The following CCDC61 variants were observed in gnomAD, a reference collection of about 807,000 sequenced individuals.
The protein encoded by CCDC61 is coiled-coil domain containing 61.
In CCDC61, 55 loss-of-function variants were observed where a neutral mutation model predicts 63.0. The observed-to-expected ratio is 0.87, with a 90% CI of 0.70 to 1.09. The LOEUF (loss-of-function observed/expected upper bound fraction) is 1.09. Among genes scored for constraint, CCDC61 ranks in the 50% least tolerant of loss-of-function variants. The pLI, the probability that CCDC61 is intolerant of heterozygous loss-of-function variation, is 0.00. For missense variants in CCDC61, 651 were observed against 731.4 expected, an observed-to-expected ratio of 0.89 and a Z score of 1.27; for synonymous variants, 270 against 317.0, an observed-to-expected ratio of 0.85 and a Z score of 1.58.
Position 46,016,748 on chromosome 19 carries a change from C to T in CCDC61, c.1146C>T (p.Val382=), listed in dbSNP as rs1286132790. 1 of 1,601,124 alleles carries T rather than the reference C, an allele frequency of 6.2e-7. No individual in the cohort carries two copies. The highest frequency in any genetic ancestry group is 1.3e-5 in the African/African-American group (1 of 74,730). Residue 382 remains valine (V), a synonymous_variant, in exon 10 of 14, where the codon GTC becomes GTT. Coordinates refer to ENST00000595358, the MANE Select transcript of CCDC61 (RefSeq NM_001267723.2). The surrounding 1 kb of genome is among the most constrained non-coding windows in gnomAD (Gnocchi z 7.2). ...GSGGSGDGPS[V]SWSRQTQPPA... ...GGGGAAGCGGGGACGGTCCGTCCGT[C>T]TCCTGGTCTCGCCAGACCCAGCCCC... is the stretch of plus-strand genomic sequence containing the variant.
At position 46,018,337 on chromosome 19, in the gene CCDC61, C is replaced by A; in HGVS notation, c.1489C>A (p.Arg497Ser). The A allele has an allele frequency of 6.3e-7, 1 of 1,577,086 alleles. No homozygotes were observed. The highest frequency in any genetic ancestry group is 1.2e-5 in the South Asian group (1 of 85,878). The part of the protein sequence containing the change: ...QAADMAEIDA[R>S]LKALQEYMNR... The stretch of plus-strand genomic sequence containing the variant: ...GGCTGACATGGCCGAAATAGACGCA[C>A]GCCTGAAGGCCTTGCAGGAGTACAT... Residue 497 changes from arginine (R) to serine (S), a missense_variant, in exon 14 of 14, where the codon CGC (arginine) becomes AGC (serine). By Grantham distance (110) the Arg-to-Ser change is moderately radical (BLOSUM62 -1). Transcript: ENST00000595358. The surrounding 1 kb of genome is among the most constrained non-coding windows in gnomAD (Gnocchi z 4.2).
intron 4 of CCDC61, 145 bp from the exon 5 acceptor site, chr19:46,007,995 C>A: frequency 2.5e-6 from 2 of 807,536 alleles, no homozygotes; most frequent in South Asian, 4.3e-5. Flanking sequence ...AGGGAGGGGC[C>A]TTGAGGATGT....
rs902244146 is a variant in CCDC61 at position 46,008,372 on chromosome 19, C to T, written c.551+71C>T. On this transcript the variant is annotated intron_variant, in intron 5 of 13. Transcript: ENST00000595358. Reference sequence around the variant, plus strand: ...CATCATGCACCGCGGGGCCCATGCTCGGTCCTGTGGGGAGGATGACTGTCC... The same window carrying T: ...CATCATGCACCGCGGGGCCCATGCTTGGTCCTGTGGGGAGGATGACTGTCC... The T allele has an allele frequency of 5.3e-5, 62 of 1,178,854 alleles. No homozygotes were observed. The South Asian group carries it at 6.1e-4, about 12-fold the overall frequency. 73.0% of individuals were successfully genotyped at this position (1,178,854 alleles called of 1,614,324 possible).
At position 46,015,404 on chromosome 19, in the gene CCDC61, C is replaced by A. The variant is rs372845099; in HGVS notation, c.822C>A (p.Ser274Arg). 1.2e-6 allele frequency: 2 copies of A among 1,602,054 alleles called. No individual in the cohort carries two copies. The highest frequency in any genetic ancestry group is 8.5e-7 in the Non-Finnish European group (1 of 1,178,528). ...SLRARLKTLTSELALYKRGRR... is the reference protein window; with the variant it reads ...SLRARLKTLTRELALYKRGRR... ...GCGCCCGGCTGAAGACGCTGACCAGCGAGCTGGCATTGTACAAGAGGGGGT... is the reference window on the plus strand; with the variant it reads ...GCGCCCGGCTGAAGACGCTGACCAGAGAGCTGGCATTGTACAAGAGGGGGT... The change falls in exon 7 of 14, where the codon AGC (serine) becomes AGA (arginine). Residue 274 changes from serine (S) to arginine (R), a missense_variant. Coordinates refer to ENST00000595358, the MANE Select transcript of CCDC61 (RefSeq NM_001267723.2). The surrounding 1 kb of genome is among the most constrained non-coding windows in gnomAD (Gnocchi z 5.3).
chr19:45,999,183 G>A (rs377005967), intron 1 of CCDC61, among the ~76,000 whole-genome samples: 2 of 152,164 alleles, frequency 1.3e-5, no homozygotes, highest in South Asian at 2.1e-4. Context: ...CAGTGGGAGA[G>A]GGAGTTGATG....
chr19:46,002,564 C>T (rs915570024), intron 1 of CCDC61, among the ~76,000 whole-genome samples: 1 of 151,134 alleles, frequency 6.6e-6, no homozygotes, highest in African/African-American at 2.4e-5. Context: ...CACAGGCATG[C>T]ACCACCACAC....
At chr19:45,995,745 G>A (rs538783326) in intron 1 of CCDC61, among the ~76,000 whole-genome samples, 1 of 152,126 alleles carries the variant, frequency 6.6e-6, no homozygotes, top group Non-Finnish European at 1.5e-5. Flanking sequence ...GGGGAAAGTT[G>A]TAAAGCAGGA....
chr19:46,004,968 A>G (rs1045525702), intron 3 of CCDC61, among the ~76,000 whole-genome samples: 3 of 148,356 alleles, frequency 2.0e-5, no homozygotes, highest in Non-Finnish European at 4.4e-5. Flanking sequence ...CCTCCCAAGT[A>G]GCTGGGACTA....
rs570312730 is a variant in CCDC61 at position 46,005,077 on chromosome 19, A to C, written c.232-1482A>C. 4.0e-5 allele frequency among the ~76,000 whole-genome samples: 6 copies of C among 151,240 alleles called. No individual in the cohort carries two copies. In the South Asian group the frequency reaches 6.3e-4, roughly 16 times the overall value. On this transcript the variant is annotated intron_variant, in intron 3 of 13. Transcript: ENST00000595358. ...CCAGGCTGGAGTGCAGTGGCATGATATTGGCTCACTGCAACCTCCGCCTCC... is the reference window on the plus strand; with the variant it reads ...CCAGGCTGGAGTGCAGTGGCATGATCTTGGCTCACTGCAACCTCCGCCTCC...
At position 46,016,700 on chromosome 19, in the gene CCDC61, G is replaced by GT; in HGVS notation, c.1098_1099insT (p.Gln367SerfsTer36). 6.2e-7 allele frequency: 1 copy of GT among 1,612,240 alleles called. No individual in the cohort carries two copies. The highest frequency in any genetic ancestry group is 8.5e-7 in the Non-Finnish European group (1 of 1,179,456). ...CTCCTTTCTTTTTTCCCAGGCAGCA[G>GT]CAGCGGAACCGCTTAGGCAGTGGGG... On this transcript the variant is annotated frameshift_variant, in exon 10 of 14. Coordinates refer to ENST00000595358, the MANE Select transcript of CCDC61 (RefSeq NM_001267723.2). LOFTEE classifies it high-confidence loss of function. The surrounding 1 kb of genome is among the most constrained non-coding windows in gnomAD (Gnocchi z 7.2).
chr19:46,002,877 A>G, intron 1 of CCDC61, 131 bp from the exon 2 acceptor site: 1 of 819,572 alleles, frequency 1.2e-6, no homozygotes, highest in Non-Finnish European at 1.9e-6. Context: ...ACTAAGGCAC[A>G]GAGAGGTGAA....
At position 46,008,151 on chromosome 19, in the gene CCDC61, C is replaced by T. The variant is rs753645069; in HGVS notation, c.401C>T (p.Pro134Leu). 19 of 1,609,392 alleles carry T rather than the reference C, an allele frequency of 1.2e-5. No individual in the cohort carries two copies. The highest frequency in any genetic ancestry group is 2.2e-5 in the East Asian group (1 of 44,764). The change falls in exon 5 of 14, where the codon CCG becomes CTG. Residue 134 changes from proline to leucine, a missense_variant. Coordinates refer to ENST00000595358, the MANE Select transcript of CCDC61 (RefSeq NM_001267723.2). ...YSVEFDRIHY[P>L]LPLPYQGKPD... Reference sequence around the variant, plus strand: ...TCCTCCCTCCTCAGGATTCACTACCCGCTGCCCCTCCCGTACCAGGGCAAG... The same window carrying T: ...TCCTCCCTCCTCAGGATTCACTACCTGCTGCCCCTCCCGTACCAGGGCAAG...
rs570212080 is a variant in CCDC61 at position 46,016,131 on chromosome 19, G to C, written c.923G>C (p.Arg308Pro). The C allele has an allele frequency of 2.3e-5, 28 of 1,243,344 alleles. No individual in the cohort carries two copies. In the Admixed American group the frequency reaches 7.6e-4, roughly 34 times the overall value. The allele number at this position is 1,243,344 out of a possible 1,614,324, so 77.0% of individuals were successfully genotyped here. A position where few individuals can be genotyped will look rare whatever the true frequency, so the allele number is the denominator to read the frequency against. Residue 308 changes from arginine (R) to proline (P), a missense_variant, in exon 8 of 14, where the codon CGA becomes CCA. Transcript: ENST00000595358. The surrounding 1 kb of genome is among the most constrained non-coding windows in gnomAD (Gnocchi z 7.2). ...ASSSRERSASRGRGAARSSSR... is the reference protein window; with the variant it reads ...ASSSRERSASPGRGAARSSSR... ...TCGTCCCGGGAGCGCTCCGCGTCGC[G>C]AGGCCGCGGCGCCGCGCGCTCCTCA...
Position 46,016,013 on chromosome 19 carries a change from C to A in CCDC61, c.846-41C>A. 2 of 1,230,136 alleles carry A rather than the reference C, an allele frequency of 1.6e-6. No individual in the cohort carries two copies. The highest frequency in any genetic ancestry group is 4.1e-5 in the South Asian group (1 of 24,318). The allele number at this position is 1,230,136 out of a possible 1,614,324, so 76.2% of individuals were successfully genotyped here. A position where few individuals can be genotyped will look rare whatever the true frequency, so the allele number is the denominator to read the frequency against. On this transcript the variant is annotated intron_variant, in intron 7 of 13. Transcript: ENST00000595358. This position sits in a 1 kb window ranked among gnomAD's most constrained non-coding sequence, Gnocchi z 7.2. Reference sequence around the variant, plus strand: ...GGAGGAGTCTCGCGATTGAGTTTGTCGGGGCGGGCGGGAAGCTGACAGCTG... The same window carrying A: ...GGAGGAGTCTCGCGATTGAGTTTGTAGGGGCGGGCGGGAAGCTGACAGCTG...
intron 5 of CCDC61, among the ~76,000 whole-genome samples, chr19:46,010,960 C>T (rs1385202282): frequency 1.3e-5 from 2 of 152,210 alleles, no homozygotes. Context: ...CTCTGATCAC[C>T]TCTCAAATGT....
intron 5 of CCDC61, among the ~76,000 whole-genome samples, chr19:46,008,926 C>G (rs890306625): frequency 3.9e-5 from 6 of 152,052 alleles, no homozygotes; most frequent in Admixed American, 2.0e-4. Context: ...GGGGGGAGGT[C>G]GAGCTCTATG....
intron 3 of CCDC61, 110 bp from the exon 4 acceptor site, chr19:46,006,449 A>G (rs1968711265): frequency 9.1e-7 from 1 of 1,094,624 alleles, no homozygotes; most frequent in African/African-American, 1.6e-5. Flanking sequence ...CGCGTAGGAA[A>G]GCCTAGCCCG....
At chr19:46,003,961 T>C (rs918008318) in intron 3 of CCDC61, among the ~76,000 whole-genome samples, 20 of 152,050 alleles carry the variant, frequency 1.3e-4, no homozygotes, top group East Asian at 1.9e-4. Context: ...TTTTTTGAGA[T>C]GGAGTCTCGC....
chr19:46,003,032 C>G lies in CCDC61; in HGVS notation c.14C>G (p.Ala5Gly), dbSNP rs1968620180. 1 of 1,569,028 alleles carries G rather than the reference C, an allele frequency of 6.4e-7. No individual in the cohort carries two copies. Residue 5 changes from alanine to glycine, a missense_variant, in exon 2 of 14, where the codon GCT (alanine) becomes GGT (glycine). By Grantham distance (60) the Ala-to-Gly change is moderately conservative. Transcript: ENST00000595358. ...GCAACCTTGGCCATGGACCAGCCGGCTGGCCTGCAGGTGGACTACGTCTTC... is the reference window on the plus strand; with the variant it reads ...GCAACCTTGGCCATGGACCAGCCGGGTGGCCTGCAGGTGGACTACGTCTTC... MDQP[A>G]GLQVDYVFRG...
Sources: gnomAD v4.1 joint callset for allele counts (sites outside exome capture counted in the v4.1 genomes callset) on GRCh38, gnomAD v4.1.1 for gene constraint, Gnocchi (gnomAD v3.1) non-coding constraint, MANE v1.5 for transcripts, NCBI Gene and HGNC (gene_info 2026-07-23, HGNC 2026-07-21) for gene names.